Variants in CHCHD6 observed in about 807,000 individuals in gnomAD.
CHCHD6 encodes the protein MICOS complex subunit MIC25.
A neutral mutation model predicts 32.3 loss-of-function variants in CHCHD6; 28 were observed. The observed-to-expected ratio is 0.87, with a 90% confidence interval of 0.64 to 1.19. The LOEUF is 1.19. Among genes scored for constraint, CHCHD6 ranks in the 50% most tolerant of loss-of-function variants. CHCHD6 has a pLI of 0.00. For synonymous variants in CHCHD6, 122 were observed against 117.5 expected (o/e 1.04, Z -0.25); for missense variants, 333 against 307.0 (o/e 1.08, Z -0.63).
At chr3:126,705,856 G>A (rs575146963) in intron 1 of CHCHD6, among the ~76,000 whole-genome samples, 6 of 152,242 alleles carry the variant, frequency 3.9e-5, no homozygotes, top group Non-Finnish European at 2.9e-5. Context: ...TGTATCCTAG[G>A]TACTGCCTAG....
intron 4 of CHCHD6, among the ~76,000 whole-genome samples, chr3:126,788,842 G>A (rs1232666748): frequency 6.6e-6 from 1 of 152,090 alleles, no homozygotes; most frequent in Non-Finnish European, 1.5e-5. Context: ...TCTGATCTTA[G>A]TTATTTCTTG....
At chr3:126,767,090 C>CG in intron 4 of CHCHD6, 3 of 1,262,734 alleles carry the variant, frequency 2.4e-6, no homozygotes, top group Non-Finnish European at 3.5e-6. Flanking sequence ...CCGCCGTGCC[C>CG]GGGCGATGAA....
At chr3:126,730,287 T>C (rs1202827487) in intron 2 of CHCHD6, among the ~76,000 whole-genome samples, 1 of 152,040 alleles carries the variant, frequency 6.6e-6, no homozygotes, top group Non-Finnish European at 1.5e-5. Context: ...AGAGTAGGGA[T>C]GGGTTTGGAA....
chr3:126,862,493 T>C (rs1199304760), intron 5 of CHCHD6, among the ~76,000 whole-genome samples: 24 of 43,964 alleles, frequency 5.5e-4, no homozygotes, highest in Admixed American at 1.3e-3. Context: ...TCCTCCACCA[T>C]CACCACCTCC....
intron 4 of CHCHD6, among the ~76,000 whole-genome samples, chr3:126,804,289 G>A (rs1221123806): frequency 1.3e-5 from 2 of 151,870 alleles, no homozygotes; most frequent in Non-Finnish European, 2.9e-5. Context: ...TTTTTTGAAA[G>A]GATCAACAAA....
chr3:126,820,568 C>T (rs767919823), intron 4 of CHCHD6, among the ~76,000 whole-genome samples: 61 of 152,156 alleles, frequency 4.0e-4, no homozygotes, highest in Non-Finnish European at 5.9e-4. Context: ...TTTTCCATTG[C>T]CGTATAGTAT....
rs140935859 is a variant in CHCHD6, at chr3:126,943,302, A to G, written c.567-14114A>G. Among the ~76,000 whole-genome samples the G allele has an allele frequency of 6.2e-3, 950 of 152,308 alleles. 8 individuals carry two copies. Among genetic ancestry groups the G allele is most frequent in the African/African-American group, 0.022 (895 of 41,562 alleles). ...TCTTTGTTTTTTCGGAAAACAACTC[A>G]AAGTCCTTTCGTGACTTCAGGTTGA... is the stretch of plus-strand genomic sequence containing the variant. On this transcript the variant is annotated intron_variant, in intron 6 of 7. Transcript: ENST00000290913.
intron 6 of CHCHD6, among the ~76,000 whole-genome samples, chr3:126,936,590 C>G (rs1159317255): frequency 6.6e-6 from 1 of 152,172 alleles, no homozygotes; most frequent in Non-Finnish European, 1.5e-5. Flanking sequence ...GAGTCTTGCT[C>G]TGTTGCCCAG....
chr3:126,861,155 T>C (rs997435846), intron 5 of CHCHD6, among the ~76,000 whole-genome samples: 2 of 152,124 alleles, frequency 1.3e-5, no homozygotes, highest in Admixed American at 6.5e-5. Context: ...GCTACTGCTG[T>C]TGTTGTCATT....
rs559510646 is a variant in CHCHD6, at chr3:126,880,708, G to A, written c.495+27978G>A. Among the ~76,000 whole-genome samples, 215 of 152,234 alleles carry A rather than the reference G, an allele frequency of 1.4e-3. 2 individuals carry two copies. The highest frequency in any genetic ancestry group is 3.9e-3 in the African/African-American group (164 of 41,528). On this transcript the variant is annotated intron_variant, in intron 5 of 7. Transcript: ENST00000290913. ...GATGAGTAAAAGGGAAAATTTAAAA[G>A]CCCAGCAAGAGGCATGTAAAAAGTA...
chr3:126,912,099 G>T (rs535577964), intron 5 of CHCHD6, among the ~76,000 whole-genome samples: 4 of 152,252 alleles, frequency 2.6e-5, no homozygotes, highest in African/African-American at 9.6e-5. Flanking sequence ...CCAACTGCAG[G>T]CTGGGTGATA....
chr3:126,790,745 T>C (rs551502501), intron 4 of CHCHD6, among the ~76,000 whole-genome samples: 33 of 152,128 alleles, frequency 2.2e-4, no homozygotes, highest in Admixed American at 2.0e-4. Flanking sequence ...TCAAGGTTTT[T>C]AACTTCTTTG....
At chr3:126,832,033 AG>A (rs1490135661) in intron 4 of CHCHD6, among the ~76,000 whole-genome samples, 8 of 152,178 alleles carry the variant, frequency 5.3e-5, no homozygotes, top group Non-Finnish European at 1.0e-4. Flanking sequence ...ATTAAAGAAG[AG>A]GAAAAAAAAG....
chr3:126,749,943 C>G (rs1936660736), intron 4 of CHCHD6, among the ~76,000 whole-genome samples: 1 of 152,110 alleles, frequency 6.6e-6, no homozygotes, highest in African/African-American at 2.4e-5. Context: ...TTGTTTGTTG[C>G]CTCCTCATTA....
At chr3:126,863,674 ACCTCCT>A (rs1478118435) in intron 5 of CHCHD6, among the ~76,000 whole-genome samples, 1 of 91,520 alleles carries the variant, frequency 1.1e-5, no homozygotes, top group Non-Finnish European at 2.2e-5. Context: ...CACCATCACC[ACCTCCT>A]CCTCCTCCAC....
At chr3:126,821,371 A>G (rs796714475) in intron 4 of CHCHD6, among the ~76,000 whole-genome samples, 10 of 152,294 alleles carry the variant, frequency 6.6e-5, no homozygotes, top group African/African-American at 2.4e-4. Context: ...ATCTTGGCTC[A>G]TTGCCTCTGC....
At chr3:126,893,287 T>C (rs1248296296) in intron 5 of CHCHD6, among the ~76,000 whole-genome samples, 1 of 152,218 alleles carries the variant, frequency 6.6e-6, no homozygotes, top group African/African-American at 2.4e-5. Context: ...AATTGAGTGA[T>C]CTCTAGGCTT....
At chr3:126,816,447 G>A (rs995552700) in intron 4 of CHCHD6, among the ~76,000 whole-genome samples, 6 of 152,190 alleles carry the variant, frequency 3.9e-5, no homozygotes, top group Non-Finnish European at 5.9e-5. Flanking sequence ...GAGCAGAGGC[G>A]CTCAGCACTG....
chr3:126,945,481 G>C (rs1382873869), intron 6 of CHCHD6, among the ~76,000 whole-genome samples: 1 of 149,930 alleles, frequency 6.7e-6, no homozygotes, highest in Non-Finnish European at 1.5e-5. Flanking sequence ...GTCGGGAACA[G>C]GGAGACTCTA....
Sources: allele counts gnomAD v4.1 joint callset (sites outside exome capture counted in the v4.1 genomes callset), GRCh38; gene constraint gnomAD v4.1.1; transcripts MANE v1.5; gene names NCBI Gene and HGNC (gene_info 2026-07-23, HGNC 2026-07-21).